The following LAMC2 variants were observed in gnomAD, a reference collection of about 807,000 sequenced individuals.
LAMC2 encodes the protein laminin subunit gamma-2.
A neutral mutation model predicts 140.2 loss-of-function variants in LAMC2; 97 were observed. The ratio of observed to expected loss-of-function variants is 0.69; its 90% CI spans 0.59 to 0.82. The LOEUF is 0.82. Ranked by LOEUF, LAMC2 falls within the 40% of genes least tolerant of loss-of-function variation. The pLI, the probability that LAMC2 is intolerant of heterozygous loss-of-function variation, is 0.00. For missense variants in LAMC2, 1,402 were observed against 1,476.1 expected, an observed-to-expected ratio of 0.95 and a Z score of 0.82; for synonymous variants, 513 against 540.2, an observed-to-expected ratio of 0.95 and a Z score of 0.70.
At chr1:183,240,431 T>G in intron 22 of LAMC2, 40 bp downstream of exon 22, 1 of 1,612,018 alleles carries the variant, frequency 6.2e-7, no homozygotes, top group Non-Finnish European at 8.5e-7. Context: ...AGCTCCATGC[T>G]CCAGGGCTTT....
intron 10 of LAMC2, 67 bp downstream of exon 10, chr1:183,227,764 G>A: frequency 6.9e-7 from 1 of 1,439,994 alleles, no homozygotes; most frequent in Non-Finnish European, 9.7e-7. Flanking sequence ...TGTGCAAATA[G>A]CTTCCATTCC....
intron 2 of LAMC2, among the ~76,000 whole-genome samples, chr1:183,214,574 T>A (rs903201091): frequency 6.6e-6 from 1 of 152,130 alleles, no homozygotes; most frequent in Non-Finnish European, 1.5e-5. Context: ...CAGATCATGA[T>A]ATGAAGTTGG....
Position 183,243,502 on chromosome 1 carries a change from T to A in LAMC2, c.*102T>A, listed in dbSNP as rs547277488. On this transcript the variant is annotated 3_prime_UTR_variant, in exon 23 of 23. Transcript: ENST00000264144. ...GTGGGATGGGGACATTTGAACATGT[T>A]TAATGGGTATGCTCAGGTCAACTGA... 4 of 1,438,470 alleles carry A rather than the reference T, an allele frequency of 2.8e-6. No homozygotes were observed. The African/African-American group carries it at 5.6e-5, about 20-fold the overall frequency. The allele number at this position is 1,438,470 out of a possible 1,614,324, so 89.1% of individuals were successfully genotyped here.
chr1:183,206,451 C>T lies in LAMC2; in HGVS notation c.80-1430C>T, dbSNP rs375082346. 2.1e-3 allele frequency among the ~76,000 whole-genome samples: 326 copies of T among 152,226 alleles called. 3 individuals carry two copies. Among genetic ancestry groups the T allele is most frequent in the African/African-American group, 6.6e-3 (273 of 41,534 alleles). On this transcript the variant is annotated intron_variant, in intron 1 of 22. Transcript: ENST00000264144. The stretch of plus-strand genomic sequence containing the variant: ...CTGAGGTCAGGAGTTTGAGACCAGC[C>T]TAGCCAACACTGGCGAAACCCCATC...
Position 183,232,821 on chromosome 1 carries a change from G to A in LAMC2, c.2184G>A (p.Leu728=), listed in dbSNP as rs1410140230. 4 of 1,614,104 alleles carry A rather than the reference G, an allele frequency of 2.5e-6. No homozygotes were observed. Among genetic ancestry groups the A allele is most frequent in the East Asian group, 2.2e-5 (1 of 44,882 alleles). ...DTHRLITQMQ[L]SLAESEASLG... is the part of the protein sequence containing the mutation. ...ACAGGCTCATCACTCAGATGCAGCT[G>A]AGCCTGGCAGAAAGTGAAGCTTCCT... is the stretch of plus-strand genomic sequence containing the variant. Residue 728 remains leucine, a synonymous_variant, in exon 14 of 23, where the codon CTG becomes CTA. Transcript: ENST00000264144.
downstream of LAMC2, among the ~76,000 whole-genome samples, chr1:183,246,200 G>C (rs897009766): frequency 1.3e-5 from 2 of 150,964 alleles, no homozygotes; most frequent in African/African-American, 2.4e-5. Context: ...TCGTAAGACT[G>C]TCTTCCCTGA....
At chr1:183,229,635 CAAAA>C (rs1304647617) in intron 11 of LAMC2, among the ~76,000 whole-genome samples, 1 of 90,330 alleles carries the variant, frequency 1.1e-5, no homozygotes. Context: ...GACTCCATCT[CAAAA>C]AAAAAAAAAA....
intron 8 of LAMC2, 90 bp from the exon 9 acceptor site, chr1:183,226,608 A>C (rs1659633030): frequency 1.8e-6 from 2 of 1,108,674 alleles, no homozygotes; most frequent in Non-Finnish European, 2.8e-6. Context: ...TTTGTTAGGG[A>C]GTTAAGAAAA....
the LAMC2 span, among the ~76,000 whole-genome samples, chr1:183,255,650 T>TG: frequency 1.5e-5 from 2 of 137,680 alleles, no homozygotes; most frequent in African/African-American, 6.5e-5. Context: ...TTTGTTAAAT[T>TG]TATTCCTAAG....
intron 22 of LAMC2, chr1:183,240,623 A>G: frequency 7.0e-7 from 1 of 1,418,616 alleles, no homozygotes; most frequent in African/African-American, 1.4e-5. Context: ...CTTGGGGGTA[A>G]AGGTCTGTGG....
At chr1:183,246,467 TC>T (rs1183583678), downstream of LAMC2, among the ~76,000 whole-genome samples, 2 of 152,238 alleles carry the variant, frequency 1.3e-5, no homozygotes, top group African/African-American at 4.8e-5. Context: ...GCACTTCTCC[TC>T]TGAGAGTTTA....
intron 1 of LAMC2, among the ~76,000 whole-genome samples, chr1:183,187,288 A>G (rs1658183505): frequency 1.3e-5 from 2 of 152,262 alleles, no homozygotes; most frequent in Admixed American, 6.5e-5. Flanking sequence ...AATATGAGAT[A>G]ATGCTCACAT....
chr1:183,255,640 T>G, the LAMC2 span, among the ~76,000 whole-genome samples: 1 of 148,202 alleles, frequency 6.7e-6, no homozygotes, highest in Admixed American at 6.8e-5. Flanking sequence ...TTTCACTTCC[T>G]TTGTTAAATT....
At chr1:183,229,904 C>T (rs1659750278) in intron 11 of LAMC2, among the ~76,000 whole-genome samples, 1 of 152,102 alleles carries the variant, frequency 6.6e-6, no homozygotes, top group African/African-American at 2.4e-5. Context: ...GAGGAAAAGC[C>T]CATATGACAC....
At chr1:183,205,146 A>C (rs1307285239) in intron 1 of LAMC2, among the ~76,000 whole-genome samples, 1 of 152,208 alleles carries the variant, frequency 6.6e-6, no homozygotes, top group Non-Finnish European at 1.5e-5. Context: ...AGAAAGGCAC[A>C]ATGAAAAATT....
At chr1:183,241,952 T>C (rs1361856143) in intron 22 of LAMC2, among the ~76,000 whole-genome samples, 1 of 152,194 alleles carries the variant, frequency 6.6e-6, no homozygotes. Context: ...ACATTTACTA[T>C]GTGTCAGATG....
chr1:183,241,223 G>A (rs571831593), intron 22 of LAMC2: 1 of 853,952 alleles, frequency 1.2e-6, no homozygotes, highest in African/African-American at 1.9e-5. Flanking sequence ...TCTCCAGCCT[G>A]GGGAACAGAG....
chr1:183,253,570 C>A, the LAMC2 span, among the ~76,000 whole-genome samples: 1 of 152,022 alleles, frequency 6.6e-6, no homozygotes, highest in African/African-American at 2.4e-5. Flanking sequence ...TATCCTTTGA[C>A]CTGTATCTCA....
Position 183,237,362 on chromosome 1 carries a change from CA to C in LAMC2, c.2615del (p.Lys872ArgfsTer14). On this transcript the variant is annotated frameshift_variant, in exon 18 of 23. Coordinates refer to ENST00000264144, the MANE Select transcript of LAMC2 (RefSeq NM_005562.3). LOFTEE classifies it high-confidence loss of function. Reference sequence around the variant, plus strand: ...TCTTTGGGCTCATAGGTGGAAGAAGCAAAGAGGATCAAACAAAAAGCGGATT... The same window carrying C: ...TCTTTGGGCTCATAGGTGGAAGAAGCAAGAGGATCAAACAAAAAGCGGATT... The part of the protein sequence containing the change: ...VSDQSFQVEE[A>X]KRIKQKADSL... The C allele has an allele frequency of 1.2e-6, 2 of 1,613,982 alleles. No homozygotes were observed. Among genetic ancestry groups the C allele is most frequent in the Non-Finnish European group, 1.7e-6 (2 of 1,179,988 alleles).
Sources: allele counts gnomAD v4.1 joint callset (sites outside exome capture counted in the v4.1 genomes callset), GRCh38; gene constraint gnomAD v4.1.1; transcripts MANE v1.5; gene names NCBI Gene and HGNC (gene_info 2026-07-23, HGNC 2026-07-21).